FMNL2: variants seen among roughly 807,000 people sequenced by gnomAD.
FMNL2 encodes formin like 2, also known as formin-like protein 2.
Under a neutral mutation model 130.2 loss-of-function variants are expected in FMNL2, and 51 were observed. That is an observed-to-expected ratio of 0.39 (90% confidence interval 0.31 to 0.49). The LOEUF (loss-of-function observed/expected upper bound fraction) is 0.49, where lower values mean the gene tolerates loss of function less well. FMNL2 is among the 20% of genes least tolerant of loss of function. The probability of loss-of-function intolerance (pLI) is 0.85; values close to 1 mark genes in which losing one functional copy is unlikely to be tolerated. For synonymous variants in FMNL2, 465 were observed against 467.1 expected, an observed-to-expected ratio of 1.00 and a Z score of 0.06; for missense variants, 977 against 1,316.2, an observed-to-expected ratio of 0.74 and a Z score of 3.99.
chr2:152,640,449 C>G (rs1014597867), intron 24 of FMNL2, among the ~76,000 whole-genome samples: 3 of 152,136 alleles, frequency 2.0e-5, no homozygotes, highest in Non-Finnish European at 4.4e-5. Flanking sequence ...AGGGCAACCT[C>G]GTTAGTAGGT....
At chr2:152,586,906 G>A (rs1281215696) in intron 9 of FMNL2, among the ~76,000 whole-genome samples, 1 of 152,188 alleles carries the variant, frequency 6.6e-6, no homozygotes, top group African/African-American at 2.4e-5. Flanking sequence ...AGCCAGGCTG[G>A]CATGGCAGGG....
chr2:152,438,902 C>T (rs549170330), intron 1 of FMNL2, among the ~76,000 whole-genome samples: 1 of 152,066 alleles, frequency 6.6e-6, no homozygotes. Context: ...ATGCCATAAT[C>T]ATCAGTTGCC....
At chr2:152,620,338 A>G (rs1699188137) in intron 15 of FMNL2, among the ~76,000 whole-genome samples, 2 of 152,176 alleles carry the variant, frequency 1.3e-5, no homozygotes, top group Admixed American at 6.5e-5. Flanking sequence ...ACCAGAAGAT[A>G]GAAAACAGCA....
intron 1 of FMNL2, among the ~76,000 whole-genome samples, chr2:152,428,944 T>TTACAAGTGGGAGCTAAATGATGAA (rs1687336901): frequency 6.6e-6 from 1 of 152,100 alleles, no homozygotes; most frequent in Admixed American, 6.5e-5. Flanking sequence ...ATGTTCTCAC[T>TTACAAGTGGGAGCTAAATGATGAA]TACAAGTGGG....
intron 1 of FMNL2, among the ~76,000 whole-genome samples, chr2:152,413,914 T>C (rs1686459211): frequency 6.6e-6 from 1 of 152,258 alleles, no homozygotes; most frequent in Non-Finnish European, 1.5e-5. Context: ...TTTTATCCTC[T>C]TGCATGCTTT....
intron 1 of FMNL2, among the ~76,000 whole-genome samples, chr2:152,406,377 T>C (rs1039886463): frequency 2.1e-5 from 3 of 139,842 alleles, no homozygotes; most frequent in African/African-American, 2.7e-5. Flanking sequence ...TAGGTTACAA[T>C]TGGTGTTAAC....
intron 1 of FMNL2, among the ~76,000 whole-genome samples, chr2:152,352,225 A>T (rs191422412): frequency 2.0e-5 from 3 of 152,282 alleles, no homozygotes; most frequent in African/African-American, 7.2e-5. Context: ...TTAAATGTGG[A>T]TTTCATGCAT....
At chr2:152,595,853 G>T (rs536536727) in intron 9 of FMNL2, among the ~76,000 whole-genome samples, 1 of 151,880 alleles carries the variant, frequency 6.6e-6, no homozygotes. Context: ...GTGACAGAGT[G>T]GGTACATCCC....
chr2:152,596,900 AAGTAG>A (rs1697800139), intron 9 of FMNL2, among the ~76,000 whole-genome samples: 1 of 152,244 alleles, frequency 6.6e-6, no homozygotes, highest in African/African-American at 2.4e-5. Flanking sequence ...GTTAGTCACA[AAGTAG>A]AATCCGAAAT....
chr2:152,555,179 A>G lies in FMNL2; in HGVS notation c.360-3561A>G, dbSNP rs145778084. 1.4e-4 allele frequency among the ~76,000 whole-genome samples: 22 copies of G among 152,262 alleles called. No homozygotes were observed. The East Asian group carries it at 4.2e-3, about 29-fold the overall frequency. On this transcript the variant is annotated intron_variant, in intron 4 of 25. Coordinates refer to ENST00000288670, the MANE Select transcript of FMNL2 (RefSeq NM_052905.4). ...GATTGAAAACAACTAATGTCCTAAT[A>G]TTTTTGTGAAAACAGTTTTACCTTC... is the stretch of plus-strand genomic sequence containing the variant.
chr2:152,576,247 AT>A (rs1414136141), intron 7 of FMNL2, among the ~76,000 whole-genome samples: 3 of 150,960 alleles, frequency 2.0e-5, no homozygotes, highest in African/African-American at 2.4e-5. Flanking sequence ...TATTCTTTCC[AT>A]TTTTTTTTGA....
intron 1 of FMNL2, among the ~76,000 whole-genome samples, chr2:152,383,273 C>CTTT (rs35206829): frequency 0.39 from 38,351 of 97,604 alleles, 6,773 homozygotes; most frequent in South Asian, 0.56. Context: ...TCCGTTAATC[C>CTTT]TTTTTTTTTT....
chr2:152,643,305 C>A (rs1315042681), intron 25 of FMNL2: 119 of 1,419,558 alleles, frequency 8.4e-5, no homozygotes, highest in Non-Finnish European at 1.1e-4. Flanking sequence ...TGCCCATCTT[C>A]CCCACCCCCA....
At chr2:152,338,820 T>TACACACACACACACAA (rs1553862368) in intron 1 of FMNL2, among the ~76,000 whole-genome samples, 1 of 148,870 alleles carries the variant, frequency 6.7e-6, no homozygotes. Flanking sequence ...GAAGGTGAGA[T>TACACACACACACACAA]ACACACACAC....
At chr2:152,339,256 A>G (rs1387566311) in intron 1 of FMNL2, among the ~76,000 whole-genome samples, 1 of 116,812 alleles carries the variant, frequency 8.6e-6, no homozygotes, top group African/African-American at 2.7e-5. Context: ...GCCCAAGACA[A>G]TTCTTCTTCT....
rs146068094 is a variant in FMNL2 at position 152,424,207 on chromosome 2, T to C, written c.117+88487T>C. Among the ~76,000 whole-genome samples the C allele has an allele frequency of 3.9e-5, 6 of 152,248 alleles. No individual in the cohort carries two copies. In the East Asian group the frequency reaches 1.2e-3, roughly 29 times the overall value. ...CCCTGTCCTTAGGGCACAAAAACCTTGTGGAAGTATTCGGTGGTACACATG... is the reference window on the plus strand; with the variant it reads ...CCCTGTCCTTAGGGCACAAAAACCTCGTGGAAGTATTCGGTGGTACACATG... On this transcript the variant is annotated intron_variant, in intron 1 of 25. Coordinates refer to ENST00000288670, the MANE Select transcript of FMNL2 (RefSeq NM_052905.4).
At chr2:152,483,572 G>T (rs1477199198) in intron 1 of FMNL2, among the ~76,000 whole-genome samples, 2 of 152,126 alleles carry the variant, frequency 1.3e-5, no homozygotes, top group East Asian at 3.8e-4. Context: ...ATGTCATCAG[G>T]ATCTGAACAG....
intron 2 of FMNL2, among the ~76,000 whole-genome samples, chr2:152,536,759 A>G (rs1393174746): frequency 6.6e-6 from 1 of 152,142 alleles, no homozygotes; most frequent in Non-Finnish European, 1.5e-5. Context: ...TGAGATTTCT[A>G]TTTTCAGATG....
chr2:152,530,254 GA>G (rs1693615742), intron 2 of FMNL2, among the ~76,000 whole-genome samples: 1 of 152,172 alleles, frequency 6.6e-6, no homozygotes. Flanking sequence ...GGTTAGCTAA[GA>G]ATTTCTACCA....
Sources: gnomAD v4.1 joint callset for allele counts (sites outside exome capture counted in the v4.1 genomes callset) on GRCh38, gnomAD v4.1.1 for gene constraint, MANE v1.5 for transcripts, NCBI Gene and HGNC (gene_info 2026-07-23, HGNC 2026-07-21) for gene names.